Variants in LRRC14 observed in about 807,000 individuals in gnomAD.
LRRC14 encodes the protein leucine-rich repeat-containing protein 14.
In LRRC14, 16 loss-of-function variants were observed where a neutral mutation model predicts 25.3. That is an observed-to-expected ratio of 0.63 (90% CI 0.43 to 0.96). The LOEUF (loss-of-function observed/expected upper bound fraction) is 0.96, where lower values mean the gene tolerates loss of function less well. Ranked by LOEUF, LRRC14 falls within the 40% of genes least tolerant of loss-of-function variation. LRRC14 has a pLI of 0.00. For synonymous variants in LRRC14, 359 were observed against 295.1 expected, an observed-to-expected ratio of 1.22 and a Z score of -2.22; for missense variants, 594 against 660.5, an observed-to-expected ratio of 0.90 and a Z score of 1.10.
chr8:144,522,465 GCCCGCGGC>G lies in LRRC14; in HGVS notation c.*990_*997del. On this transcript the variant is annotated 3_prime_UTR_variant, in exon 4 of 4. Coordinates refer to ENST00000292524, the MANE Select transcript of LRRC14 (RefSeq NM_014665.4). ...TCTCCGGCGCCCACGTCATCCGCGCGCCCGCGGCCCTAGCAGTGGATCTCGTAGGCGAC... is the reference window on the plus strand; with the variant it reads ...TCTCCGGCGCCCACGTCATCCGCGCGCCTAGCAGTGGATCTCGTAGGCGAC... 7.1e-7 allele frequency: 1 copy of G among 1,407,130 alleles called. No individual in the cohort carries two copies. The highest frequency in any genetic ancestry group is 9.2e-7 in the Non-Finnish European group (1 of 1,088,386). 87.2% of individuals were successfully genotyped at this position (1,407,130 alleles called of 1,614,324 possible).
At position 144,524,906 on chromosome 8, in the gene LRRC14, G is replaced by A; in HGVS notation, c.*3428G>A. On this transcript the variant is annotated 3_prime_UTR_variant, in exon 4 of 4. Transcript: ENST00000292524. ...CGCTGTAGCAGCGGCAGGCTGCTGG[G>A]CAGCCGGCGGCGCGGAGCGGCAGTA... 6.6e-7 allele frequency: 1 copy of A among 1,514,884 alleles called. No individual in the cohort carries two copies. Among genetic ancestry groups the A allele is most frequent in the Non-Finnish European group, 8.8e-7 (1 of 1,133,154 alleles). 93.8% of individuals were successfully genotyped at this position (1,514,884 alleles called of 1,614,324 possible).
At position 144,525,139 on chromosome 8, in the gene LRRC14, G is replaced by A; in HGVS notation, c.*3661G>A. 2 of 659,532 alleles carry A rather than the reference G, an allele frequency of 3.0e-6. No homozygotes were observed. 40.9% of individuals were successfully genotyped at this position (659,532 alleles called of 1,614,324 possible). ...CTTTTGACGCTATAAATAGGTTCAA[G>A]AAACTAATAAAACGTTCTGGTTTTC... is the stretch of plus-strand genomic sequence containing the variant. On this transcript the variant is annotated 3_prime_UTR_variant, in exon 4 of 4. Coordinates refer to ENST00000292524, the MANE Select transcript of LRRC14 (RefSeq NM_014665.4).
In LRRC14 at chr8:144,520,924, C is replaced by A; in HGVS notation, c.928C>A (p.Pro310Thr). 6.2e-7 allele frequency: 1 copy of A among 1,611,180 alleles called. No individual in the cohort carries two copies. Among genetic ancestry groups the A allele is most frequent in the South Asian group, 1.1e-5 (1 of 91,084 alleles). ...LDQLLSTLQS[P>T]LESLELAFCA... Reference sequence around the variant, plus strand: ...TGTCCCCTGTAGCACCCTGCAGAGCCCCCTGGAGAGCCTGGAGTTGGCCTT... The same window carrying A: ...TGTCCCCTGTAGCACCCTGCAGAGCACCCTGGAGAGCCTGGAGTTGGCCTT... Residue 310 changes from proline (P) to threonine (T), a missense_variant, in exon 4 of 4, where the codon CCC (proline) becomes ACC (threonine). Pro to Thr is a conservative substitution (Grantham distance 38, BLOSUM62 -1). Coordinates refer to ENST00000292524, the MANE Select transcript of LRRC14 (RefSeq NM_014665.4).
chr8:144,524,404 A>T lies in LRRC14; in HGVS notation c.*2926A>T. ...CAGCCCTACAGGGCGAGGGGCCATAATGGAGTATCCCGCCCCTTTAGACCC... is the reference window on the plus strand; with the variant it reads ...CAGCCCTACAGGGCGAGGGGCCATATTGGAGTATCCCGCCCCTTTAGACCC... On this transcript the variant is annotated 3_prime_UTR_variant, in exon 4 of 4. Transcript: ENST00000292524. 1 of 1,595,552 alleles carries T rather than the reference A, an allele frequency of 6.3e-7. No homozygotes were observed. Among genetic ancestry groups the T allele is most frequent in the South Asian group, 1.1e-5 (1 of 90,934 alleles).
In LRRC14 at chr8:144,522,394, G is replaced by T. The variant is rs1816131284; in HGVS notation, c.*916G>T. The T allele has an allele frequency of 7.3e-7, 1 of 1,365,970 alleles. No homozygotes were observed. 84.6% of individuals were successfully genotyped at this position (1,365,970 alleles called of 1,614,324 possible). The stretch of plus-strand genomic sequence containing the variant: ...CACACGGCTCAGCGCACACTGCGCG[G>T]CTTCCACCTTTACTGACGGAGCATG... On this transcript the variant is annotated 3_prime_UTR_variant, in exon 4 of 4. Coordinates refer to ENST00000292524, the MANE Select transcript of LRRC14 (RefSeq NM_014665.4).
chr8:144,522,372 A>G lies in LRRC14; in HGVS notation c.*894A>G, dbSNP rs1249175650. 6.0e-6 allele frequency: 8 copies of G among 1,331,806 alleles called. No individual in the cohort carries two copies. Among genetic ancestry groups the G allele is most frequent in the Admixed American group, 8.2e-5 (2 of 24,476 alleles). The allele number at this position is 1,331,806 out of a possible 1,614,324, so 82.5% of individuals were successfully genotyped here. A position where few individuals can be genotyped will look rare whatever the true frequency, so the allele number is the denominator to read the frequency against. On this transcript the variant is annotated 3_prime_UTR_variant, in exon 4 of 4. Transcript: ENST00000292524. ...AACGTTCCCGGCTCGCGCCCCACAC[A>G]CGGCTCAGCGCACACTGCGCGGCTT... is the stretch of plus-strand genomic sequence containing the variant.
At position 144,520,907 on chromosome 8, in the gene LRRC14, GT is replaced by G; in HGVS notation, c.915-3del. ...CCTGTCTGTGACCCCTGTGTCCCCT[GT>G]AGCACCCTGCAGAGCCCCCTGGAGA... On this transcript the variant is annotated splice_region_variant and splice_polypyrimidine_tract_variant and intron_variant, in intron 3 of 3. Coordinates refer to ENST00000292524, the MANE Select transcript of LRRC14 (RefSeq NM_014665.4). 1.2e-6 allele frequency: 2 copies of G among 1,607,492 alleles called. No individual in the cohort carries two copies. Among genetic ancestry groups the G allele is most frequent in the Non-Finnish European group, 1.7e-6 (2 of 1,178,938 alleles).
At position 144,521,317 on chromosome 8, in the gene LRRC14, C is replaced by T; in HGVS notation, c.1321C>T (p.Pro441Ser). The T allele has an allele frequency of 1.2e-6, 2 of 1,612,896 alleles. No individual in the cohort carries two copies. Among genetic ancestry groups the T allele is most frequent in the Non-Finnish European group, 1.7e-6 (2 of 1,180,000 alleles). Residue 441 changes from proline (P) to serine (S), a missense_variant, in exon 4 of 4, where the codon CCG becomes TCG. By Grantham distance (74) the Pro-to-Ser change is moderately conservative. Transcript: ENST00000292524. ...PVDCYEGLPW[P>S]PPASVLLEAS... is the part of the protein sequence containing the mutation. Reference sequence around the variant, plus strand: ...GGACTGCTATGAGGGCTTGCCCTGGCCGCCGCCTGCCTCTGTCCTGCTGGA... The same window carrying T: ...GGACTGCTATGAGGGCTTGCCCTGGTCGCCGCCTGCCTCTGTCCTGCTGGA...
Position 144,520,009 on chromosome 8 carries a change from G to A in LRRC14, c.284G>A (p.Arg95Gln), listed in dbSNP as rs944540001. 2 of 1,610,968 alleles carry A rather than the reference G, an allele frequency of 1.2e-6. No homozygotes were observed. Among genetic ancestry groups the A allele is most frequent in the East Asian group, 2.2e-5 (1 of 44,872 alleles). ...MQAVILGLTA[R>Q]LHTSEPGAST... ...GCTGTTATCCTGGGGCTGACTGCCC[G>A]GCTCCACACCTCAGAGCCTGGGGCC... Residue 95 changes from arginine to glutamine, a missense_variant, in exon 2 of 4, where the codon CGG (arginine) becomes CAG (glutamine). By Grantham distance (43) the Arg-to-Gln change is conservative (BLOSUM62 1). Transcript: ENST00000292524.
In LRRC14 at chr8:144,520,832, C is replaced by A. The variant is rs955377399; in HGVS notation, c.914+10C>A. The A allele has an allele frequency of 6.3e-7, 1 of 1,594,040 alleles. No individual in the cohort carries two copies. Among genetic ancestry groups the A allele is most frequent in the South Asian group, 1.1e-5 (1 of 90,554 alleles). On this transcript the variant is annotated intron_variant, in intron 3 of 3. Coordinates refer to ENST00000292524, the MANE Select transcript of LRRC14 (RefSeq NM_014665.4). ...TGGACCAGCTGCTCAGGTGAGCGGG[C>A]CCCACCACTGCCCTGCCCCTCCCTT...
Position 144,524,390 on chromosome 8 carries a change from G to C in LRRC14, c.*2912G>C, listed in dbSNP as rs781504606. On this transcript the variant is annotated 3_prime_UTR_variant, in exon 4 of 4. Transcript: ENST00000292524. ...TTTTCTAACTATTCCAGCCCTACAG[G>C]GCGAGGGGCCATAATGGAGTATCCC... The C allele has an allele frequency of 1.3e-6, 2 of 1,594,392 alleles. No individual in the cohort carries two copies. The highest frequency in any genetic ancestry group is 3.4e-5 in the Admixed American group (2 of 59,570).
rs1177224511 is a variant in LRRC14 at position 144,521,956 on chromosome 8, C to T, written c.*478C>T. 4 of 176,408 alleles carry T rather than the reference C, an allele frequency of 2.3e-5. No homozygotes were observed. Among genetic ancestry groups the T allele is most frequent in the Non-Finnish European group, 4.8e-5 (4 of 83,736 alleles). 10.9% of individuals were successfully genotyped at this position (176,408 alleles called of 1,614,324 possible). A position where few individuals can be genotyped will look rare whatever the true frequency, so the allele number is the denominator to read the frequency against. ...CTTACGTGTTCCCTACCCTGCCACC[C>T]AGCCACCCCACTGGGCTGGGCTCGG... On this transcript the variant is annotated 3_prime_UTR_variant, in exon 4 of 4. Coordinates refer to ENST00000292524, the MANE Select transcript of LRRC14 (RefSeq NM_014665.4).
Position 144,521,283 on chromosome 8 carries a change from C to T in LRRC14, c.1287C>T (p.Pro429=). The T allele has an allele frequency of 1.2e-6, 2 of 1,613,130 alleles. No homozygotes were observed. Among genetic ancestry groups the T allele is most frequent in the Non-Finnish European group, 1.7e-6 (2 of 1,180,016 alleles). The stretch of plus-strand genomic sequence containing the variant: ...CTGAGCTGCGTACTGTGGTGCACCC[C>T]TTCCCTGTGGACTGCTATGAGGGCT... ...AQAELRTVVH[P]FPVDCYEGLP... is the part of the protein sequence containing the mutation. Residue 429 remains proline (P), a synonymous_variant, in exon 4 of 4, where the codon CCC becomes CCT. Transcript: ENST00000292524.
chr8:144,519,761 G>A lies in LRRC14; in HGVS notation c.36G>A (p.Val12=), dbSNP rs746262803. The change falls in exon 2 of 4, where the codon GTG becomes GTA. Residue 12 remains valine (V), a synonymous_variant. Coordinates refer to ENST00000292524, the MANE Select transcript of LRRC14 (RefSeq NM_014665.4). ...HTLVFLSTRQ[V]LQCQPAACQA... ...TTGTGTTCTTGAGCACACGGCAGGTGCTGCAGTGCCAGCCAGCTGCCTGCC... is the reference window on the plus strand; with the variant it reads ...TTGTGTTCTTGAGCACACGGCAGGTACTGCAGTGCCAGCCAGCTGCCTGCC... 3.7e-6 allele frequency: 6 copies of A among 1,612,592 alleles called. No homozygotes were observed. The Admixed American group carries it at 8.3e-5, about 22-fold the overall frequency.
rs1265987949 is a variant in LRRC14 at position 144,524,592 on chromosome 8, G to T, written c.*3114G>T. ...CGCCAGCTCCAGCAGGCGCGGCTGC[G>T]CGCGGAAGGCGCCGGCCTCCAGGGC... On this transcript the variant is annotated 3_prime_UTR_variant, in exon 4 of 4. Transcript: ENST00000292524. The T allele has an allele frequency of 2.6e-6, 4 of 1,530,746 alleles. No homozygotes were observed. Among genetic ancestry groups the T allele is most frequent in the African/African-American group, 2.8e-5 (2 of 72,126 alleles). The allele number at this position is 1,530,746 out of a possible 1,614,324, so 94.8% of individuals were successfully genotyped here. A position where few individuals can be genotyped will look rare whatever the true frequency, so the allele number is the denominator to read the frequency against.
In LRRC14 at chr8:144,524,434, C is replaced by A; in HGVS notation, c.*2956C>A. ...GTATCCCGCCCCTTTAGACCCCAGG[C>A]GCTCACCGGCAGGTGCAAGAAGGTG... On this transcript the variant is annotated 3_prime_UTR_variant, in exon 4 of 4. Transcript: ENST00000292524. 1 of 1,597,646 alleles carries A rather than the reference C, an allele frequency of 6.3e-7. No individual in the cohort carries two copies.
chr8:144,524,284 G>GT lies in LRRC14; in HGVS notation c.*2807dup. The GT allele has an allele frequency of 6.2e-7, 1 of 1,611,210 alleles. No individual in the cohort carries two copies. The highest frequency in any genetic ancestry group is 8.5e-7 in the Non-Finnish European group (1 of 1,179,918). ...AGGTGAAGCTCCTGCAGTCGCTGAAGTAAGGACAGCAGATCGTGAGGAAAA... is the reference window on the plus strand; with the variant it reads ...AGGTGAAGCTCCTGCAGTCGCTGAAGTTAAGGACAGCAGATCGTGAGGAAAA... On this transcript the variant is annotated 3_prime_UTR_variant, in exon 4 of 4. Transcript: ENST00000292524.
In LRRC14 at chr8:144,523,048, G is replaced by A. The variant is rs1004592665; in HGVS notation, c.*1570G>A. 5 of 1,602,926 alleles carry A rather than the reference G, an allele frequency of 3.1e-6. No homozygotes were observed. The highest frequency in any genetic ancestry group is 1.7e-5 in the Admixed American group (1 of 59,152). ...GGAAGAGCATGCCGCTGCCCGTGTCGGATGCCGAGTGTCCGCCCAGGCCCA... is the reference window on the plus strand; with the variant it reads ...GGAAGAGCATGCCGCTGCCCGTGTCAGATGCCGAGTGTCCGCCCAGGCCCA... On this transcript the variant is annotated 3_prime_UTR_variant, in exon 4 of 4. Coordinates refer to ENST00000292524, the MANE Select transcript of LRRC14 (RefSeq NM_014665.4).
chr8:144,518,897 GTCTGTAGCTTTGCACCT>G (rs1815698655), intron 1 of LRRC14: 1 of 152,332 alleles, frequency 6.6e-6, no homozygotes, highest in African/African-American at 2.4e-5. Flanking sequence ...TGTCTGAGCA[GTCTGTAGCTTTGCACCT>G]TCTGAATCCC....
Sources: allele counts gnomAD v4.1 joint callset, GRCh38; gene constraint gnomAD v4.1.1; transcripts MANE v1.5; gene names NCBI Gene and HGNC (gene_info 2026-07-23, HGNC 2026-07-21).